ERCC4: variants seen among roughly 807,000 people sequenced by gnomAD.
The protein encoded by ERCC4 is DNA repair endonuclease XPF.
ERCC4 carries 65 observed loss-of-function variants against 76.9 expected under a neutral mutation model. The observed-to-expected ratio is 0.84, with a 90% CI of 0.69 to 1.04. ERCC4 has a LOEUF of 1.04. ERCC4 is among the 50% of genes least tolerant of loss of function. The pLI, the probability that ERCC4 is intolerant of heterozygous loss-of-function variation, is 0.00. For missense variants in ERCC4, 1,214 were observed against 1,128.2 expected (o/e 1.08, Z -1.09); for synonymous variants, 463 against 410.1 (o/e 1.13, Z -1.56).
intron 9 of ERCC4, among the ~76,000 whole-genome samples, chr16:13,943,634 GGTT>G (rs1371782161): frequency 1.3e-5 from 2 of 152,124 alleles, no homozygotes; most frequent in Non-Finnish European, 2.9e-5. Flanking sequence ...GGAAAATCTT[GGTT>G]GTTTTAACCC....
chr16:13,930,742 C>A lies in ERCC4; in HGVS notation c.825C>A (p.His275Gln), dbSNP rs773131349. The A allele has an allele frequency of 6.2e-7, 1 of 1,613,800 alleles. No homozygotes were observed. The highest frequency in any genetic ancestry group is 1.1e-5 in the South Asian group (1 of 91,074). The change falls in exon 5 of 11, where the codon CAC becomes CAA. Residue 275 changes from histidine (H) to glutamine (Q), a missense_variant. Physicochemically the swap from His to Gln is conservative, Grantham distance 24. Transcript: ENST00000311895. ...TIRHYLDPLW[H>Q]QLGAKTKSLV... ...GCCATTATCTGGATCCTTTGTGGCA[C>A]CAGCTTGGAGCCAAGACTAAATCCT...
intron 9 of ERCC4, among the ~76,000 whole-genome samples, chr16:13,941,270 A>G (rs947471430): frequency 6.6e-6 from 1 of 152,200 alleles, no homozygotes. Flanking sequence ...AATGCTTTCA[A>G]TGATGATTGT....
At chr16:13,929,046 G>T (rs1234727358) in intron 4 of ERCC4, among the ~76,000 whole-genome samples, 1 of 152,088 alleles carries the variant, frequency 6.6e-6, no homozygotes, top group Non-Finnish European at 1.5e-5. Flanking sequence ...TATATATTCT[G>T]TTCCTCTGTG....
At chr16:13,934,483 A>C (rs552226267) in intron 7 of ERCC4, 181 bp downstream of exon 7, 155 of 586,732 alleles carry the variant, frequency 2.6e-4, no homozygotes, top group African/African-American at 1.3e-3. Flanking sequence ...ATGAACACTG[A>C]GATCCTAGTG....
At chr16:13,942,849 C>A (rs996957625) in intron 9 of ERCC4, among the ~76,000 whole-genome samples, 1 of 152,138 alleles carries the variant, frequency 6.6e-6, no homozygotes, top group African/African-American at 2.4e-5. Flanking sequence ...CATAATAATA[C>A]CAAATGAATG....
chr16:13,932,364 C>A, intron 6 of ERCC4, 79 bp downstream of exon 6: 1 of 1,304,700 alleles, frequency 7.7e-7, no homozygotes, highest in Non-Finnish European at 1.1e-6. Context: ...AATTTAAAGT[C>A]TTCTTTGGCC....
At position 13,947,869 on chromosome 16, in the gene ERCC4, T is replaced by A; in HGVS notation, c.2273T>A (p.Leu758Gln). 1 of 1,614,236 alleles carries A rather than the reference T, an allele frequency of 6.2e-7. No individual in the cohort carries two copies. The stretch of plus-strand genomic sequence containing the variant: ...CGCTACTACAAGCGTCCCGTGCTTC[T>A]GATTGAGTTTGACCCTAGCAAGCCT... The part of the protein sequence containing the change: ...MSRYYKRPVL[L>Q]IEFDPSKPFS... Residue 758 changes from leucine (L) to glutamine (Q), a missense_variant, in exon 11 of 11, where the codon CTG becomes CAG. Physicochemically the swap from Leu to Gln is moderately radical, Grantham distance 113 (BLOSUM62 -2). Coordinates refer to ENST00000311895, the MANE Select transcript of ERCC4 (RefSeq NM_005236.3).
rs1452096111 is a variant in ERCC4, at chr16:13,951,899, C to T, written c.*3552C>T. 9.2e-6 allele frequency: 2 copies of T among 217,134 alleles called. No individual in the cohort carries two copies. The highest frequency in any genetic ancestry group is 2.3e-5 in the African/African-American group (1 of 44,362). The allele number at this position is 217,134 out of a possible 1,614,324, so 13.5% of individuals were successfully genotyped here. ...GAAAAACCAACATTTTAGGAAAGTT[C>T]TTTTTTCAGGATGGAGTATATTAAA... On this transcript the variant is annotated 3_prime_UTR_variant, in exon 11 of 11. Transcript: ENST00000311895.
chr16:13,932,134 T>C (rs2032183401), intron 5 of ERCC4, 23 bp from the exon 6 acceptor site: 2 of 1,608,732 alleles, frequency 1.2e-6, no homozygotes. Context: ...GATGGCACTT[T>C]TTCTTTTAAC....
intron 9 of ERCC4, among the ~76,000 whole-genome samples, chr16:13,940,205 G>A (rs2032386067): frequency 6.6e-6 from 1 of 152,130 alleles, no homozygotes; most frequent in African/African-American, 2.4e-5. Flanking sequence ...TGGCCAACAT[G>A]GTGAAACCCT....
At chr16:13,922,560 G>T in intron 2 of ERCC4, 1 of 709,158 alleles carries the variant, frequency 1.4e-6, no homozygotes, top group South Asian at 1.4e-5. Context: ...TGTTTTGAAT[G>T]ACGAATTTCT....
intron 10 of ERCC4, among the ~76,000 whole-genome samples, chr16:13,946,735 C>T (rs925451092): frequency 6.6e-6 from 1 of 150,478 alleles, no homozygotes; most frequent in African/African-American, 2.5e-5. Context: ...CTAAATACAA[C>T]ATCTGTTTTT....
At chr16:13,936,720 C>T (rs534210217) in intron 8 of ERCC4, among the ~76,000 whole-genome samples, 2 of 152,188 alleles carry the variant, frequency 1.3e-5, no homozygotes, top group Admixed American at 6.5e-5. Flanking sequence ...TCTCTTGACT[C>T]ATCACCCAAT....
At chr16:13,920,402 G>T (rs1272298301) in intron 1 of ERCC4, 30 bp downstream of exon 1, 1 of 1,533,614 alleles carries the variant, frequency 6.5e-7, no homozygotes, top group African/African-American at 1.4e-5. Context: ...GGAGTGAGGG[G>T]ACTCCGAGAG....
rs754994055 is a variant in ERCC4, at chr16:13,934,297, G to A, written c.1208G>A (p.Gly403Asp). ...AENKESEALG[G>D]PGQVLICASD... ...AATAAGGAGAGTGAAGCTCTTGGTG[G>A]TCCAGGTAGGAAAAAAGGAGATGAA... The change falls in exon 7 of 11, where the codon GGT becomes GAT. Residue 403 changes from glycine to aspartate, a missense_variant. Transcript: ENST00000311895. 1 of 1,601,510 alleles carries A rather than the reference G, an allele frequency of 6.2e-7. No individual in the cohort carries two copies. Among genetic ancestry groups the A allele is most frequent in the Non-Finnish European group, 8.6e-7 (1 of 1,168,782 alleles).
In ERCC4 at chr16:13,952,324, A is replaced by C. The variant is rs762808427; in HGVS notation, c.*3977A>C. ...TTGTTTTTGTTATGCAGAATAAACA[A>C]GGCAGAAATGCTCTTTGAACCACTG... On this transcript the variant is annotated 3_prime_UTR_variant, in exon 11 of 11. Coordinates refer to ENST00000311895, the MANE Select transcript of ERCC4 (RefSeq NM_005236.3). 28 of 182,198 alleles carry C rather than the reference A, an allele frequency of 1.5e-4. No individual in the cohort carries two copies. Among genetic ancestry groups the C allele is most frequent in the Non-Finnish European group, 3.0e-4 (26 of 85,450 alleles). The allele number at this position is 182,198 out of a possible 1,614,324, so 11.3% of individuals were successfully genotyped here.
chr16:13,935,564 C>G lies in ERCC4; in HGVS notation c.1632C>G (p.Phe544Leu). Residue 544 changes from phenylalanine (F) to leucine (L), a missense_variant, in exon 8 of 11, where the codon TTC becomes TTG. Phe to Leu is a conservative substitution (Grantham distance 22). Coordinates refer to ENST00000311895, the MANE Select transcript of ERCC4 (RefSeq NM_005236.3). ...FDVNLSSDAA[F>L]GILKEPLTII... ...TAAATTTGTCATCGGATGCTGCTTT[C>G]GGAATCCTGAAAGAACCCCTCACTA... The G allele has an allele frequency of 6.2e-7, 1 of 1,614,154 alleles. No homozygotes were observed.
At chr16:13,936,164 A>G (rs572255147) in intron 8 of ERCC4, among the ~76,000 whole-genome samples, 3 of 152,342 alleles carry the variant, frequency 2.0e-5, no homozygotes, top group African/African-American at 7.2e-5. Flanking sequence ...TTACATCCAT[A>G]TAAAACTAAA....
chr16:13,924,171 G>A (rs1450623347), intron 2 of ERCC4, among the ~76,000 whole-genome samples: 7 of 152,154 alleles, frequency 4.6e-5, no homozygotes, highest in African/African-American at 1.7e-4. Flanking sequence ...AAAGAGCAGT[G>A]CGTGAAGTGC....
Sources: allele counts gnomAD v4.1 joint callset (sites outside exome capture counted in the v4.1 genomes callset), GRCh38; gene constraint gnomAD v4.1.1; transcripts MANE v1.5; gene names NCBI Gene and HGNC (gene_info 2026-07-23, HGNC 2026-07-21).